KCND2: variants seen among roughly 807,000 people sequenced by gnomAD.
KCND2 encodes the protein A-type voltage-gated potassium channel KCND2.
Under a neutral mutation model 54.4 loss-of-function variants are expected in KCND2, and 16 were observed. The ratio of observed to expected loss-of-function variants is 0.29; its 90% confidence interval spans 0.20 to 0.45. KCND2 has a LOEUF of 0.45. Among genes scored for constraint, KCND2 ranks in the 20% least tolerant of loss-of-function variants. The pLI, the probability that KCND2 is intolerant of heterozygous loss-of-function variation, is 1.00. For synonymous variants in KCND2, 317 were observed against 310.7 expected, an observed-to-expected ratio of 1.02 and a Z score of -0.21; for missense variants, 486 against 824.2, an observed-to-expected ratio of 0.59 and a Z score of 5.02.
intron 1 of KCND2, among the ~76,000 whole-genome samples, chr7:120,600,913 T>C (rs1206167252): frequency 1.3e-5 from 2 of 152,112 alleles, no homozygotes; most frequent in Non-Finnish European, 2.9e-5. Context: ...AAATACCCCA[T>C]TATGTACTAT....
rs1562924292 is a variant in KCND2, at chr7:120,737,068, AC to A, written c.1278+4004del. Among the ~76,000 whole-genome samples, 42 of 144,136 alleles carry A rather than the reference AC, an allele frequency of 2.9e-4. 1 individual carries two copies. Among genetic ancestry groups the A allele is most frequent in the African/African-American group, 1.0e-3 (40 of 38,652 alleles). 94.6% of individuals were successfully genotyped at this position (144,136 alleles called of 152,430 possible). On this transcript the variant is annotated intron_variant, in intron 2 of 5. Transcript: ENST00000331113. The stretch of plus-strand genomic sequence containing the variant: ...CACACACACACACACACACACACAC[AC>A]ACACACAAACAAAAAAAAAAAAAAC...
At chr7:120,661,312 G>A (rs548918983) in intron 1 of KCND2, among the ~76,000 whole-genome samples, 4 of 152,106 alleles carry the variant, frequency 2.6e-5, no homozygotes, top group African/African-American at 9.6e-5. Context: ...ATTAGTCATG[G>A]CCATAGGTTC....
At chr7:120,718,750 A>G (rs1342604084) in intron 1 of KCND2, among the ~76,000 whole-genome samples, 1 of 152,188 alleles carries the variant, frequency 6.6e-6, no homozygotes, top group Non-Finnish European at 1.5e-5. Flanking sequence ...TTAGGCTTGA[A>G]GAGAGTAAGC....
intron 1 of KCND2, among the ~76,000 whole-genome samples, chr7:120,493,542 T>C (rs182907218): frequency 6.6e-6 from 1 of 151,922 alleles, no homozygotes; most frequent in East Asian, 1.9e-4. Flanking sequence ...AACAACCAAA[T>C]AGAAAATTGA....
intron 1 of KCND2, among the ~76,000 whole-genome samples, chr7:120,492,290 C>T (rs1488879376): frequency 6.6e-6 from 1 of 152,020 alleles, no homozygotes; most frequent in Non-Finnish European, 1.5e-5. Context: ...TTCTTGAAGT[C>T]ACTTTTAGAC....
intron 1 of KCND2, among the ~76,000 whole-genome samples, chr7:120,355,448 G>GAGGC (rs1800488840): frequency 6.6e-6 from 1 of 152,144 alleles, no homozygotes. Flanking sequence ...TCTGGAGACT[G>GAGGC]AGGCAGGAGA....
chr7:120,304,436 T>C (rs766996772), intron 1 of KCND2, among the ~76,000 whole-genome samples: 31 of 152,298 alleles, frequency 2.0e-4, no homozygotes, highest in Non-Finnish European at 2.8e-4. Flanking sequence ...GATGGAGACC[T>C]ATAACACAAT....
At chr7:120,609,184 T>C (rs753289550) in intron 1 of KCND2, among the ~76,000 whole-genome samples, 23 of 152,104 alleles carry the variant, frequency 1.5e-4, no homozygotes, top group Non-Finnish European at 3.4e-4. Flanking sequence ...TTGAGGACTT[T>C]GCTGATGTCC....
intron 1 of KCND2, among the ~76,000 whole-genome samples, chr7:120,347,474 C>T (rs566469661): frequency 2.6e-4 from 40 of 152,132 alleles, no homozygotes; most frequent in African/African-American, 8.7e-4. Context: ...GTACATTTTT[C>T]AGGCCGGGTG....
At chr7:120,464,362 G>A (rs774755095) in intron 1 of KCND2, among the ~76,000 whole-genome samples, 45 of 151,960 alleles carry the variant, frequency 3.0e-4, no homozygotes, top group South Asian at 8.3e-4. Flanking sequence ...ATCTGTCTTT[G>A]GGGGCTTAAA....
chr7:120,623,096 C>A (rs1199649841), intron 1 of KCND2, among the ~76,000 whole-genome samples: 1 of 152,044 alleles, frequency 6.6e-6, no homozygotes, highest in South Asian at 2.1e-4. Flanking sequence ...AAACCTGACC[C>A]AGAAGATACT....
chr7:120,648,345 A>G (rs1484629147), intron 1 of KCND2, among the ~76,000 whole-genome samples: 2 of 152,160 alleles, frequency 1.3e-5, no homozygotes, highest in South Asian at 2.1e-4. Flanking sequence ...GGCTAAACTA[A>G]TGGGTGCCAT....
chr7:120,293,670 A>T (rs1047805956), intron 1 of KCND2, among the ~76,000 whole-genome samples: 2 of 151,848 alleles, frequency 1.3e-5, no homozygotes, highest in African/African-American at 4.8e-5. Flanking sequence ...CTCTCACTTA[A>T]TGAGTAATTA....
intron 1 of KCND2, among the ~76,000 whole-genome samples, chr7:120,592,964 A>G (rs147489001): frequency 1.6e-3 from 241 of 152,322 alleles, no homozygotes; most frequent in Middle Eastern, 0.01. Flanking sequence ...CTCATATTTT[A>G]TAGGAGAATA....
At chr7:120,736,767 A>ATTTAC (rs1792876449) in intron 2 of KCND2, among the ~76,000 whole-genome samples, 1 of 151,964 alleles carries the variant, frequency 6.6e-6, no homozygotes, top group African/African-American at 2.4e-5. Context: ...TCCATTTTAC[A>ATTTAC]GATAACTTGC....
rs533325163 is a variant in KCND2 at position 120,350,529 on chromosome 7, C to A, written c.1115+74782C>A. ...ACAGTGCACTAATGGAAATACATTGCATTTAATTTTCTGATTTTTATAAAG... is the reference window on the plus strand; with the variant it reads ...ACAGTGCACTAATGGAAATACATTGAATTTAATTTTCTGATTTTTATAAAG... On this transcript the variant is annotated intron_variant, in intron 1 of 5. Transcript: ENST00000331113. 1.0e-3 allele frequency among the ~76,000 whole-genome samples: 156 copies of A among 152,102 alleles called. 1 individual carries two copies. Among genetic ancestry groups the A allele is most frequent in the African/African-American group, 3.6e-3 (150 of 41,520 alleles).
intron 1 of KCND2, among the ~76,000 whole-genome samples, chr7:120,672,290 CG>C (rs1267826667): frequency 9.9e-5 from 15 of 152,128 alleles, no homozygotes; most frequent in African/African-American, 3.6e-4. Context: ...TCACTTCCTA[CG>C]ATTCATTCAC....
intron 1 of KCND2, among the ~76,000 whole-genome samples, chr7:120,650,489 C>T (rs1335063617): frequency 7.0e-6 from 1 of 143,018 alleles, no homozygotes; most frequent in African/African-American, 2.8e-5. Flanking sequence ...GACTTCTCTA[C>T]ACTGATTATT....
At chr7:120,422,076 G>A (rs1192393028) in intron 1 of KCND2, among the ~76,000 whole-genome samples, 1 of 152,198 alleles carries the variant, frequency 6.6e-6, no homozygotes, top group Non-Finnish European at 1.5e-5. Context: ...GAAAAAAGGA[G>A]TGAAGGGGTG....
Sources: allele counts gnomAD v4.1 joint callset (sites outside exome capture counted in the v4.1 genomes callset), GRCh38; gene constraint gnomAD v4.1.1; transcripts MANE v1.5; gene names NCBI Gene and HGNC (gene_info 2026-07-23, HGNC 2026-07-21).